The following PIGU variants were observed in gnomAD, a reference collection of about 807,000 sequenced individuals.
PIGU encodes the protein phosphatidylinositol glycan anchor biosynthesis class U.
PIGU carries 24 observed loss-of-function variants against 49.9 expected under a neutral mutation model. The ratio of observed to expected loss-of-function variants is 0.48; its 90% confidence interval spans 0.35 to 0.68. The LOEUF (loss-of-function observed/expected upper bound fraction) is 0.68. Ranked by LOEUF, PIGU falls within the 30% of genes least tolerant of loss-of-function variation. The pLI is 0.01. For synonymous variants in PIGU, 220 were observed against 205.7 expected (o/e 1.07, Z -0.59); for missense variants, 490 against 532.6 (o/e 0.92, Z 0.79).
chr20:34,649,388 CTT>C (rs55819405), intron 2 of PIGU, among the ~76,000 whole-genome samples: 3 of 140,906 alleles, frequency 2.1e-5, no homozygotes, highest in African/African-American at 2.6e-5. Context: ...AGATCTCTTA[CTT>C]TTTTTTTTTT....
At chr20:34,631,807 T>G (rs1985787953) in intron 6 of PIGU, among the ~76,000 whole-genome samples, 2 of 60,412 alleles carry the variant, frequency 3.3e-5, no homozygotes, top group African/African-American at 1.1e-4. Context: ...TTTTTTTTTT[T>G]TTTTTTTTTA....
Position 34,610,575 on chromosome 20 carries a change from A to G in PIGU, c.627+5467T>C, listed in dbSNP as rs1175621624. On this transcript the variant is annotated intron_variant, in intron 7 of 11. Transcript: ENST00000217446. The stretch of plus-strand genomic sequence containing the variant: ...AAGAGAGGACACAAACAAATGGAAA[A>G]AAATTCCTTGTTCATGGATAGGAAG... 2.6e-5 allele frequency among the ~76,000 whole-genome samples: 4 copies of G among 152,316 alleles called. No homozygotes were observed. In the East Asian group the frequency reaches 7.7e-4, roughly 29 times the overall value.
chr20:34,595,576 G>A (rs746165986), intron 7 of PIGU, among the ~76,000 whole-genome samples: 18 of 152,182 alleles, frequency 1.2e-4, no homozygotes, highest in Non-Finnish European at 1.9e-4. Context: ...TAGCAGGAAT[G>A]ATGACAGAGT....
chr20:34,645,912 A>G (rs1048235864), intron 2 of PIGU, among the ~76,000 whole-genome samples: 1 of 152,048 alleles, frequency 6.6e-6, no homozygotes, highest in African/African-American at 2.4e-5. Flanking sequence ...AAATAAATAA[A>G]TAAATAAAAA....
intron 7 of PIGU, among the ~76,000 whole-genome samples, chr20:34,592,041 A>G (rs1984010264): frequency 6.6e-6 from 1 of 151,996 alleles, no homozygotes. Flanking sequence ...CAAAAAAATT[A>G]GCCGGGCGTG....
chr20:34,618,670 C>G (rs1444431293), intron 6 of PIGU, among the ~76,000 whole-genome samples: 1 of 152,066 alleles, frequency 6.6e-6, no homozygotes, highest in Non-Finnish European at 1.5e-5. Flanking sequence ...ACCTGTGGTC[C>G]CAGCTACTTA....
chr20:34,570,424 T>TTTTTTA (rs66946129), intron 11 of PIGU, among the ~76,000 whole-genome samples: 37 of 49,426 alleles, frequency 7.5e-4, no homozygotes, highest in African/African-American at 1.5e-3. Flanking sequence ...TTTATTTTTA[T>TTTTTTA]TTTTTTTTGA....
chr20:34,609,110 T>C (rs975201262), intron 7 of PIGU, among the ~76,000 whole-genome samples: 1 of 151,596 alleles, frequency 6.6e-6, no homozygotes, highest in African/African-American at 2.4e-5. Context: ...TGAGACCCTG[T>C]CTCTAAAAAA....
intron 7 of PIGU, among the ~76,000 whole-genome samples, chr20:34,589,762 T>G (rs534405557): frequency 6.7e-6 from 1 of 149,900 alleles, no homozygotes; most frequent in Admixed American, 6.7e-5. Flanking sequence ...TTCAAGGGAT[T>G]CTCCTGCCTC....
In PIGU at chr20:34,560,716, T is replaced by C. The variant is rs1982450313; in HGVS notation, c.*150A>G. 3.7e-6 allele frequency: 2 copies of C among 545,404 alleles called. No homozygotes were observed. Among genetic ancestry groups the C allele is most frequent in the Non-Finnish European group, 6.3e-6 (2 of 319,588 alleles). The allele number at this position is 545,404 out of a possible 1,614,324, so 33.8% of individuals were successfully genotyped here. A position where few individuals can be genotyped will look rare whatever the true frequency, so the allele number is the denominator to read the frequency against. On this transcript the variant is annotated 3_prime_UTR_variant, in exon 12 of 12. Coordinates refer to ENST00000217446, the MANE Select transcript of PIGU (RefSeq NM_080476.5). ...CATAGGCCTTGCTGTCAGTCAGCCA[T>C]GGGTCCCTTTTGGTACCAGAGACTT...
intron 9 of PIGU, among the ~76,000 whole-genome samples, chr20:34,582,869 G>T (rs143998960): frequency 6.6e-6 from 1 of 152,028 alleles, no homozygotes; most frequent in Non-Finnish European, 1.5e-5. Flanking sequence ...AGAGTTGGGG[G>T]ACAGAGCTCA....
intron 6 of PIGU, among the ~76,000 whole-genome samples, chr20:34,617,145 G>A (rs1194489731): frequency 2.6e-5 from 4 of 152,232 alleles, no homozygotes; most frequent in South Asian, 4.1e-4. Flanking sequence ...CTCTGCTAGG[G>A]CAATGCGGAA....
rs183496039 is a variant in PIGU at position 34,578,800 on chromosome 20, G to A, written c.1051+2748C>T. On this transcript the variant is annotated intron_variant, in intron 10 of 11. Transcript: ENST00000217446. ...AGATGGAGCTGGAGACCTGGGGTAC[G>A]GGACAGCTTGTTCCAGGCATCAGAA... Among the ~76,000 whole-genome samples, 5 of 152,278 alleles carry A rather than the reference G, an allele frequency of 3.3e-5. No individual in the cohort carries two copies. In the East Asian group the frequency reaches 7.7e-4, roughly 23 times the overall value.
chr20:34,595,638 A>C (rs998879696), intron 7 of PIGU, among the ~76,000 whole-genome samples: 23 of 152,226 alleles, frequency 1.5e-4, no homozygotes, highest in Non-Finnish European at 3.1e-4. Context: ...AATATTTTAC[A>C]TTCCCTTCAC....
intron 2 of PIGU, among the ~76,000 whole-genome samples, chr20:34,647,985 C>T (rs999129333): frequency 3.3e-5 from 5 of 152,214 alleles, no homozygotes; most frequent in Middle Eastern, 6.8e-3. Context: ...CACAGTGGCT[C>T]ATGCCTATAA....
chr20:34,659,505 G>A (rs1201309161), intron 1 of PIGU, among the ~76,000 whole-genome samples: 4 of 152,174 alleles, frequency 2.6e-5, no homozygotes, highest in Non-Finnish European at 4.4e-5. Context: ...CCCCTACTGG[G>A]AAGTGAGGAG....
At chr20:34,659,286 G>T (rs1191864405) in intron 1 of PIGU, among the ~76,000 whole-genome samples, 1 of 138,542 alleles carries the variant, frequency 7.2e-6, no homozygotes. Flanking sequence ...CAGCCACCCC[G>T]TCCGGGAGGG....
At chr20:34,576,587 C>T (rs1170036603) in intron 10 of PIGU, among the ~76,000 whole-genome samples, 1 of 152,134 alleles carries the variant, frequency 6.6e-6, no homozygotes, top group Non-Finnish European at 1.5e-5. Context: ...TCACTCAGAC[C>T]TTCTCTTCTG....
In PIGU at chr20:34,603,861, G is replaced by GACACACACACACACACACACACACAC. The variant is rs142929319; in HGVS notation, c.627+12155_627+12180dup. Among the ~76,000 whole-genome samples the GACACACACACACACACACACACACAC allele has an allele frequency of 2.1e-3, 307 of 143,880 alleles. 3 individuals carry two copies. The highest frequency in any genetic ancestry group is 0.011 in the Middle Eastern group (3 of 280). The allele number at this position is 143,880 out of a possible 152,430, so 94.4% of individuals were successfully genotyped here. ...TTGTTTCTAGACCTTTTAGTGGACA[G>GACACACACACACACACACACACACAC]ACACACACACACACACACACACACA... On this transcript the variant is annotated intron_variant, in intron 7 of 11. Coordinates refer to ENST00000217446, the MANE Select transcript of PIGU (RefSeq NM_080476.5).
Sources: allele counts gnomAD v4.1 joint callset (sites outside exome capture counted in the v4.1 genomes callset), GRCh38; gene constraint gnomAD v4.1.1; transcripts MANE v1.5; gene names NCBI Gene and HGNC (gene_info 2026-07-23, HGNC 2026-07-21).